DGKB: variants seen among roughly 807,000 people sequenced by gnomAD.
DGKB encodes 90 kDa diacylglycerol kinase.
A neutral mutation model predicts 114.3 loss-of-function variants in DGKB; 67 were observed. That is an observed-to-expected ratio of 0.59 (90% CI 0.48 to 0.72). DGKB has a LOEUF of 0.72. DGKB is among the 30% of genes least tolerant of loss of function. The pLI, the probability that DGKB is intolerant of heterozygous loss-of-function variation, is 0.00. For missense variants in DGKB, 907 were observed against 975.2 expected (o/e 0.93, Z 0.93); for synonymous variants, 398 against 323.1 (o/e 1.23, Z -2.49).
intron 21 of DGKB, among the ~76,000 whole-genome samples, chr7:14,431,349 C>T (rs1008824869): frequency 2.6e-5 from 4 of 152,098 alleles, no homozygotes; most frequent in African/African-American, 9.7e-5. Context: ...AATATTAAAA[C>T]TTGTAATATT....
At chr7:14,230,698 C>G (rs140324971) in intron 23 of DGKB, among the ~76,000 whole-genome samples, 375 of 147,988 alleles carry the variant, frequency 2.5e-3, no homozygotes, top group African/African-American at 3.6e-3. Context: ...ATCAACCGAT[C>G]TTTCTTACTA....
intron 1 of DGKB, among the ~76,000 whole-genome samples, chr7:14,924,999 T>G (rs1449224570): frequency 6.6e-6 from 1 of 152,192 alleles, no homozygotes; most frequent in Admixed American, 6.5e-5. Flanking sequence ...CTTTTTAAAT[T>G]TGTTATATAA....
intron 1 of DGKB, among the ~76,000 whole-genome samples, chr7:14,959,132 C>T (rs775790009): frequency 5.3e-5 from 8 of 151,996 alleles, no homozygotes; most frequent in Non-Finnish European, 7.4e-5. Context: ...TGTGTCTTCT[C>T]ATTTAGGAAT....
intron 20 of DGKB, among the ~76,000 whole-genome samples, chr7:14,564,287 G>A (rs1359919213): frequency 6.6e-6 from 1 of 152,094 alleles, no homozygotes; most frequent in African/African-American, 2.4e-5. Flanking sequence ...TGGAAGTGCT[G>A]GACATTCAAA....
intron 23 of DGKB, among the ~76,000 whole-genome samples, chr7:14,228,838 C>G (rs1791251696): frequency 6.6e-6 from 1 of 151,432 alleles, no homozygotes; most frequent in African/African-American, 2.4e-5. Flanking sequence ...GTTCTGTCAT[C>G]ACCAAAGAAG....
chr7:14,850,860 G>A (rs1422587722), intron 1 of DGKB, among the ~76,000 whole-genome samples: 1 of 152,122 alleles, frequency 6.6e-6, no homozygotes, highest in Non-Finnish European at 1.5e-5. Flanking sequence ...TTACACATTT[G>A]AGTTAGATAG....
chr7:14,410,850 T>C (rs1392656175), intron 21 of DGKB, among the ~76,000 whole-genome samples: 1 of 152,208 alleles, frequency 6.6e-6, no homozygotes, highest in Non-Finnish European at 1.5e-5. Context: ...GTTGAATTTC[T>C]ATTGAAATAT....
At chr7:14,206,003 C>T (rs1458927756) in intron 23 of DGKB, among the ~76,000 whole-genome samples, 3 of 151,894 alleles carry the variant, frequency 2.0e-5, no homozygotes. Context: ...GTATACAATA[C>T]CAACTAGTTG....
At chr7:14,265,858 G>A (rs1289143186) in intron 23 of DGKB, among the ~76,000 whole-genome samples, 2 of 152,096 alleles carry the variant, frequency 1.3e-5, no homozygotes, top group Non-Finnish European at 1.5e-5. Context: ...TGCTTATTCT[G>A]GCAAAGTAAA....
chr7:14,923,995 A>T (rs1018257460), intron 1 of DGKB, among the ~76,000 whole-genome samples: 4 of 150,488 alleles, frequency 2.7e-5, no homozygotes, highest in Non-Finnish European at 5.9e-5. Context: ...AAAAAAAAAA[A>T]AAAAAAAAAG....
In DGKB at chr7:14,487,753, C is replaced by T. The variant is rs191531545; in HGVS notation, c.1771-9528G>A. ...AGTAAGCTGGGATTACAGGCATTAG[C>T]TATCATGCCTGACTAACTTTTTTTT... On this transcript the variant is annotated intron_variant, in intron 20 of 25. Coordinates refer to ENST00000402815, the MANE Select transcript of DGKB (RefSeq NM_001350709.2). Among the ~76,000 whole-genome samples the T allele has an allele frequency of 4.0e-5, 6 of 151,216 alleles. No individual in the cohort carries two copies. In the East Asian group the frequency reaches 1.2e-3, roughly 30 times the overall value.
chr7:14,742,580 C>A lies in DGKB; in HGVS notation c.169-6386G>T, dbSNP rs554152905. 2.6e-5 allele frequency among the ~76,000 whole-genome samples: 4 copies of A among 152,188 alleles called. No individual in the cohort carries two copies. The South Asian group carries it at 8.3e-4, about 32-fold the overall frequency. ...TAAGGTTGTAAACTGCTTCTTTGGCCTTAGAGAACTGTTCAACTTGCCTGC... is the reference window on the plus strand; with the variant it reads ...TAAGGTTGTAAACTGCTTCTTTGGCATTAGAGAACTGTTCAACTTGCCTGC... On this transcript the variant is annotated intron_variant, in intron 4 of 25. Transcript: ENST00000402815.
intron 1 of DGKB, among the ~76,000 whole-genome samples, chr7:14,970,643 G>C (rs192014259): frequency 6.6e-6 from 1 of 152,004 alleles, no homozygotes; most frequent in South Asian, 2.1e-4. Context: ...AGTGAAAGCG[G>C]GTAAAATTGC....
chr7:14,185,818 T>G (rs1037834437), intron 23 of DGKB, among the ~76,000 whole-genome samples: 1 of 152,150 alleles, frequency 6.6e-6, no homozygotes, highest in Non-Finnish European at 1.5e-5. Flanking sequence ...TAGCCACATC[T>G]AGAAGAATAA....
chr7:14,287,483 A>G (rs1486545416), intron 23 of DGKB, among the ~76,000 whole-genome samples: 1 of 152,178 alleles, frequency 6.6e-6, no homozygotes, highest in African/African-American at 2.4e-5. Context: ...TGGTAAATGC[A>G]CAATGAAGAT....
At chr7:14,908,896 A>T (rs186846434) in intron 1 of DGKB, among the ~76,000 whole-genome samples, 1 of 152,298 alleles carries the variant, frequency 6.6e-6, no homozygotes, top group Non-Finnish European at 1.5e-5. Flanking sequence ...GTAATAACAA[A>T]ACTCATTATC....
rs77172216 is a variant in DGKB, at chr7:14,500,767, T to C, written c.1771-22542A>G. On this transcript the variant is annotated intron_variant, in intron 20 of 25. Coordinates refer to ENST00000402815, the MANE Select transcript of DGKB (RefSeq NM_001350709.2). The stretch of plus-strand genomic sequence containing the variant: ...ACCTTATGGAGTCTACTGGTGAAGA[T>C]TTGAAGGACAGTGAGAAAAGTGTTA... Among the ~76,000 whole-genome samples the C allele has an allele frequency of 4.8e-3, 736 of 151,846 alleles. 8 individuals carry two copies. Among genetic ancestry groups the C allele is most frequent in the African/African-American group, 0.017 (697 of 41,502 alleles).
intron 23 of DGKB, among the ~76,000 whole-genome samples, chr7:14,331,497 C>G (rs1184334999): frequency 1.1e-4 from 16 of 151,940 alleles, no homozygotes; most frequent in Admixed American, 1.1e-3. Context: ...CTAAATAACC[C>G]ATAGAAATGT....
chr7:14,654,109 A>G (rs1169110192), intron 13 of DGKB, among the ~76,000 whole-genome samples: 1 of 152,080 alleles, frequency 6.6e-6, no homozygotes. Flanking sequence ...CTCCTTGTAA[A>G]TGAGATAATC....
Sources: allele counts gnomAD v4.1 joint callset (sites outside exome capture counted in the v4.1 genomes callset), GRCh38; gene constraint gnomAD v4.1.1; transcripts MANE v1.5; gene names NCBI Gene and HGNC (gene_info 2026-07-23, HGNC 2026-07-21).